ETV6: variants seen among roughly 807,000 people sequenced by gnomAD.
The protein encoded by ETV6 is transcription factor ETV6.
ETV6 carries 16 observed loss-of-function variants against 51.1 expected under a neutral mutation model. The ratio of observed to expected loss-of-function variants is 0.31; its 90% confidence interval spans 0.21 to 0.48. ETV6 has a LOEUF of 0.48. ETV6 is among the 20% of genes least tolerant of loss of function. The pLI is 0.99. For missense variants in ETV6, 458 were observed against 594.8 expected (o/e 0.77, Z 2.39); for synonymous variants, 240 against 224.1 (o/e 1.07, Z -0.64).
At chr12:11,665,155 G>A (rs36060832) in intron 1 of ETV6, among the ~76,000 whole-genome samples, 5,178 of 152,186 alleles carry the variant, frequency 0.034, 109 homozygotes, top group Admixed American at 0.061. Context: ...CCACAGGCAC[G>A]TACCACCACA....
chr12:11,735,034 G>A (rs1161054788), intron 1 of ETV6, among the ~76,000 whole-genome samples: 1 of 143,494 alleles, frequency 7.0e-6, no homozygotes, highest in Non-Finnish European at 1.5e-5. Flanking sequence ...TGGGCAAAAT[G>A]TCTTCGTAAT....
At chr12:11,841,254 C>T (rs929785609) in intron 3 of ETV6, among the ~76,000 whole-genome samples, 11 of 152,192 alleles carry the variant, frequency 7.2e-5, no homozygotes, top group African/African-American at 2.7e-4. Context: ...TTTGTCGAGT[C>T]TTTGTCAGGT....
intron 2 of ETV6, among the ~76,000 whole-genome samples, chr12:11,755,001 T>C (rs1482041620): frequency 1.3e-5 from 2 of 152,254 alleles, no homozygotes; most frequent in African/African-American, 4.8e-5. Context: ...GAGTCAAGGC[T>C]CAAACTCAGT....
intron 2 of ETV6, among the ~76,000 whole-genome samples, chr12:11,761,838 G>A (rs931723063): frequency 1.3e-5 from 2 of 152,168 alleles, no homozygotes; most frequent in East Asian, 1.9e-4. Flanking sequence ...CAACTCAATC[G>A]TCGCATTGTT....
intron 1 of ETV6, among the ~76,000 whole-genome samples, chr12:11,700,805 G>A (rs3020925): frequency 0.92 from 140,182 of 152,156 alleles, 65,089 homozygotes; most frequent in Non-Finnish European, 0.98. Flanking sequence ...TGGAAGATGC[G>A]GAGGAGGCGG....
rs867309545 is a variant in ETV6, at chr12:11,777,267, G to T, written c.163+24688G>T. Among the ~76,000 whole-genome samples the T allele has an allele frequency of 3.8e-3, 546 of 142,028 alleles. 2 individuals carry two copies. Among genetic ancestry groups the T allele is most frequent in the Non-Finnish European group, 6.9e-3 (445 of 64,620 alleles). 93.2% of individuals were successfully genotyped at this position (142,028 alleles called of 152,430 possible). The stretch of plus-strand genomic sequence containing the variant: ...AAAAAAAAAAAAAAAAAAAAATCAC[G>T]TTTTTTAAATGCTCATATAATATAA... On this transcript the variant is annotated intron_variant, in intron 2 of 7. Coordinates refer to ENST00000396373, the MANE Select transcript of ETV6 (RefSeq NM_001987.5).
intron 4 of ETV6, among the ~76,000 whole-genome samples, chr12:11,860,430 G>A (rs1387010198): frequency 6.6e-6 from 1 of 152,122 alleles, no homozygotes; most frequent in Non-Finnish European, 1.5e-5. Flanking sequence ...TTTACCGGCT[G>A]TGTGACTTCA....
intron 2 of ETV6, among the ~76,000 whole-genome samples, chr12:11,782,153 T>A (rs1424844310): frequency 6.6e-6 from 1 of 152,228 alleles, no homozygotes; most frequent in African/African-American, 2.4e-5. Flanking sequence ...TGAAATCAGA[T>A]GCACTGCTTG....
chr12:11,892,069 A>G lies in ETV6; in HGVS notation c.*1023A>G, dbSNP rs72552356. Reference sequence around the variant, plus strand: ...AAATATGAAAAGACCACACAGGCCCAGCAGTCCAGAAACTGGGCAAAAATA... The same window carrying G: ...AAATATGAAAAGACCACACAGGCCCGGCAGTCCAGAAACTGGGCAAAAATA... On this transcript the variant is annotated 3_prime_UTR_variant, in exon 8 of 8. Transcript: ENST00000396373. 943 of 233,758 alleles carry G rather than the reference A, an allele frequency of 4.0e-3. 13 individuals carry two copies. In the South Asian group the frequency reaches 0.061, roughly 15 times the overall value. The allele number at this position is 233,758 out of a possible 1,614,324, so 14.5% of individuals were successfully genotyped here. A position where few individuals can be genotyped will look rare whatever the true frequency, so the allele number is the denominator to read the frequency against.
At position 11,718,079 on chromosome 12, in the gene ETV6, GC is replaced by G. The variant is rs1227858088; in HGVS notation, c.34-34368del. Among the ~76,000 whole-genome samples, 3 of 151,904 alleles carry G rather than the reference GC, an allele frequency of 2.0e-5. No individual in the cohort carries two copies. In the South Asian group the frequency reaches 6.3e-4, roughly 32 times the overall value. On this transcript the variant is annotated intron_variant, in intron 1 of 7. Coordinates refer to ENST00000396373, the MANE Select transcript of ETV6 (RefSeq NM_001987.5). ...TATAAATCAGAGAGATAGAAATAAG[GC>G]CCATAATAAAAAACTTGAAATAGAT...
chr12:11,774,669 G>GAA (rs1404385859), intron 2 of ETV6, among the ~76,000 whole-genome samples: 1 of 152,202 alleles, frequency 6.6e-6, no homozygotes, highest in Non-Finnish European at 1.5e-5. Flanking sequence ...TAGTCTGTCT[G>GAA]AAGTATGTTA....
chr12:11,847,025 C>G (rs978554520), intron 3 of ETV6, among the ~76,000 whole-genome samples: 1 of 152,060 alleles, frequency 6.6e-6, no homozygotes, highest in South Asian at 2.1e-4. Flanking sequence ...GGCAGAGGAT[C>G]GGCATGGCAA....
intron 1 of ETV6, among the ~76,000 whole-genome samples, chr12:11,719,896 GGGCACAGGCTTCTGCTGTCTGGGCTCC>G (rs1434612777): frequency 1.3e-5 from 2 of 152,336 alleles, no homozygotes; most frequent in East Asian, 1.9e-4. Context: ...GTGACGCCAA[GGGCACAGGCTTCTGCTGTCTGGGCTCC>G]GGCACAGTCA....
At chr12:11,848,673 G>A (rs1946502823) in intron 3 of ETV6, among the ~76,000 whole-genome samples, 1 of 152,278 alleles carries the variant, frequency 6.6e-6, no homozygotes, top group African/African-American at 2.4e-5. Context: ...ATGGGCCTGA[G>A]GCTTACGGTT....
intron 1 of ETV6, among the ~76,000 whole-genome samples, chr12:11,687,478 G>A (rs978329233): frequency 1.1e-4 from 16 of 151,854 alleles, no homozygotes; most frequent in African/African-American, 3.9e-4. Context: ...CGCACCCAGC[G>A]CCACACCCCC....
chr12:11,856,574 A>G (rs1565554157), intron 4 of ETV6, among the ~76,000 whole-genome samples: 2 of 152,274 alleles, frequency 1.3e-5, no homozygotes, highest in African/African-American at 2.4e-5. Context: ...CCCTCTCCCT[A>G]TCCTCCTGCC....
At chr12:11,722,348 T>A (rs954870873) in intron 1 of ETV6, among the ~76,000 whole-genome samples, 75 of 152,196 alleles carry the variant, frequency 4.9e-4, no homozygotes, top group Non-Finnish European at 8.8e-4. Flanking sequence ...GAGGCTCAGA[T>A]AATCCACAAA....
chr12:11,865,695 G>A (rs1015556462), intron 4 of ETV6, among the ~76,000 whole-genome samples: 25 of 147,728 alleles, frequency 1.7e-4, no homozygotes, highest in African/African-American at 5.7e-4. Context: ...AGTATATATG[G>A]TGTGTGTGTA....
chr12:11,847,085 C>A (rs4763728), intron 3 of ETV6, among the ~76,000 whole-genome samples: 1,731 of 152,100 alleles, frequency 0.011, 14 homozygotes, highest in Non-Finnish European at 0.017. Context: ...CTGCAGTCTA[C>A]GAGCAATAGT....
Sources: gnomAD v4.1 joint callset for allele counts (sites outside exome capture counted in the v4.1 genomes callset) on GRCh38, gnomAD v4.1.1 for gene constraint, MANE v1.5 for transcripts, NCBI Gene and HGNC (gene_info 2026-07-23, HGNC 2026-07-21) for gene names.